Variants in ITGA4 observed in about 807,000 individuals in gnomAD.
ITGA4 encodes the protein integrin subunit alpha 4, also known as integrin alpha-4.
A neutral mutation model predicts 133.6 loss-of-function variants in ITGA4; 63 were observed. That is an observed-to-expected ratio of 0.47 (90% CI 0.38 to 0.58). The LOEUF (loss-of-function observed/expected upper bound fraction) is 0.58. ITGA4 is among the 20% of genes least tolerant of loss of function. The probability of loss-of-function intolerance (pLI) is 0.00; values close to 1 mark genes in which losing one functional copy is unlikely to be tolerated. For missense variants in ITGA4, 1,076 were observed against 1,252.7 expected, an observed-to-expected ratio of 0.86 and a Z score of 2.13; for synonymous variants, 483 against 438.0, an observed-to-expected ratio of 1.10 and a Z score of -1.28.
At chr2:181,480,531 T>G (rs1161140114) in intron 6 of ITGA4, among the ~76,000 whole-genome samples, 1 of 152,150 alleles carries the variant, frequency 6.6e-6, no homozygotes, top group Non-Finnish European at 1.5e-5. Flanking sequence ...GTAGTTCACT[T>G]TAGGAAACAC....
chr2:181,536,472 ATATGTAT>A lies in ITGA4; in HGVS notation c.*952_*958del, dbSNP rs1055997073. On this transcript the variant is annotated 3_prime_UTR_variant, in exon 28 of 28. Coordinates refer to ENST00000397033, the MANE Select transcript of ITGA4 (RefSeq NM_000885.6). ...GCAAAGACTAGGGGGCCTATACTTC[ATATGTAT>A]TATGTACTATGTAAAATATTGACTA... Among the ~76,000 whole-genome samples, 3 of 152,220 alleles carry A rather than the reference ATATGTAT, an allele frequency of 2.0e-5. No individual in the cohort carries two copies. The highest frequency in any genetic ancestry group is 7.2e-5 in the African/African-American group (3 of 41,560).
rs903961782 is a variant in ITGA4 at position 181,524,107 on chromosome 2, T to C, written c.2170-64T>C. On this transcript the variant is annotated intron_variant, in intron 19 of 27. Coordinates refer to ENST00000397033, the MANE Select transcript of ITGA4 (RefSeq NM_000885.6). Reference sequence around the variant, plus strand: ...AGAACATAAACTTTTAAGAAAAAAATTCAGATTATAAAAAATGTACTTAAG... The same window carrying C: ...AGAACATAAACTTTTAAGAAAAAAACTCAGATTATAAAAAATGTACTTAAG... 4.6e-6 allele frequency: 5 copies of C among 1,076,122 alleles called. No individual in the cohort carries two copies. The Admixed American group carries it at 8.9e-5, about 19-fold the overall frequency. The allele number at this position is 1,076,122 out of a possible 1,614,324, so 66.7% of individuals were successfully genotyped here.
chr2:181,534,241 A>C, intron 25 of ITGA4, 31 bp from the exon 26 acceptor site: 1 of 1,274,532 alleles, frequency 7.8e-7, no homozygotes, highest in African/African-American at 1.5e-5. Flanking sequence ...GAAATAAACC[A>C]GGCTATGGTG....
At chr2:181,483,794 C>T (rs937822510) in intron 9 of ITGA4, among the ~76,000 whole-genome samples, 3 of 152,150 alleles carry the variant, frequency 2.0e-5, no homozygotes, top group Non-Finnish European at 4.4e-5. Context: ...GCTACATCCT[C>T]GTGCTGCAAA....
chr2:181,496,085 C>T (rs908920576), intron 14 of ITGA4, 148 bp downstream of exon 14: 47 of 750,490 alleles, frequency 6.3e-5, no homozygotes, highest in Non-Finnish European at 1.0e-4. Context: ...TTTTCCTCTC[C>T]ATCTTCCAGA....
chr2:181,526,664 A>C (rs1318971992), intron 21 of ITGA4, among the ~76,000 whole-genome samples: 2 of 152,042 alleles, frequency 1.3e-5, no homozygotes, highest in Non-Finnish European at 2.9e-5. Context: ...AAAAACTAAG[A>C]AGTTATCCCA....
chr2:181,472,436 A>G (rs1179416551), intron 2 of ITGA4, among the ~76,000 whole-genome samples: 1 of 152,160 alleles, frequency 6.6e-6, no homozygotes, highest in Non-Finnish European at 1.5e-5. Context: ...TACACGCCAT[A>G]TTATTTGTGA....
intron 6 of ITGA4, among the ~76,000 whole-genome samples, chr2:181,480,902 T>A (rs1307215486): frequency 6.6e-6 from 1 of 152,172 alleles, no homozygotes; most frequent in Non-Finnish European, 1.5e-5. Context: ...AATGCAAACT[T>A]TTCTGGCATT....
intron 14 of ITGA4, 109 bp from the exon 15 acceptor site, chr2:181,498,514 C>A: frequency 3.7e-6 from 2 of 544,302 alleles, no homozygotes; most frequent in East Asian, 3.3e-5. Flanking sequence ...AAAGAGAATT[C>A]CAGATATTAT....
intron 2 of ITGA4, among the ~76,000 whole-genome samples, chr2:181,470,476 G>A (rs1559038372): frequency 1.3e-5 from 2 of 152,062 alleles, no homozygotes; most frequent in South Asian, 4.1e-4. Context: ...AAATTCTTAT[G>A]TCTGGTTCTT....
chr2:181,485,641 C>T (rs1380741758), intron 9 of ITGA4, among the ~76,000 whole-genome samples: 4 of 152,170 alleles, frequency 2.6e-5, no homozygotes, highest in African/African-American at 9.7e-5. Context: ...ATTTTCAAAG[C>T]TAGAGATCAT....
At chr2:181,525,370 G>A in intron 21 of ITGA4, 79 bp downstream of exon 21, 2 of 718,626 alleles carry the variant, frequency 2.8e-6, no homozygotes, top group South Asian at 1.9e-5. Context: ...TGAAAAAACT[G>A]TATTCTAGAA....
chr2:181,502,986 G>C (rs1461624806), intron 15 of ITGA4, among the ~76,000 whole-genome samples: 2 of 151,862 alleles, frequency 1.3e-5, no homozygotes, highest in East Asian at 1.9e-4. Flanking sequence ...GGAGGGGAGG[G>C]GGCACACCAA....
chr2:181,498,899 C>CTA, intron 15 of ITGA4, 122 bp downstream of exon 15: 1 of 1,352,212 alleles, frequency 7.4e-7, no homozygotes, highest in Non-Finnish European at 9.5e-7. Context: ...CCCTCCTGAA[C>CTA]TATGACCTGT....
rs889669252 is a variant in ITGA4, at chr2:181,536,283, A to ATTCTTCCTATAACACACCT, written c.*759_*777dup. ...TATATATTTACCATTCTTCCTATCT[A>ATTCTTCCTATAACACACCT]TTCTTCCTATAACACACCTTTATCA... On this transcript the variant is annotated 3_prime_UTR_variant, in exon 28 of 28. Coordinates refer to ENST00000397033, the MANE Select transcript of ITGA4 (RefSeq NM_000885.6). 6.6e-6 allele frequency: 1 copy of ATTCTTCCTATAACACACCT among 151,524 alleles called. No homozygotes were observed. Among genetic ancestry groups the ATTCTTCCTATAACACACCT allele is most frequent in the African/African-American group, 2.4e-5 (1 of 41,034 alleles). The allele number at this position is 151,524 out of a possible 1,614,324, so 9.4% of individuals were successfully genotyped here.
rs747413109 is a variant in ITGA4 at position 181,511,725 on chromosome 2, T to A, written c.1872T>A (p.His624Gln). 1 of 1,600,310 alleles carries A rather than the reference T, an allele frequency of 6.2e-7. No individual in the cohort carries two copies. The highest frequency in any genetic ancestry group is 1.3e-5 in the African/African-American group (1 of 74,524). ...TAAACTTTGCAAGGTTTTGTGCCCA[T>A]GAAAATTGTTCTGCTGATTTACAGG... ...KTINFARFCA[H>Q]ENCSADLQVS... The change falls in exon 17 of 28, where the codon CAT becomes CAA. Residue 624 changes from histidine (H) to glutamine (Q), a missense_variant. His to Gln is a conservative substitution (Grantham distance 24). Transcript: ENST00000397033.
chr2:181,470,906 A>C (rs1403235686), intron 2 of ITGA4, among the ~76,000 whole-genome samples: 1 of 152,132 alleles, frequency 6.6e-6, no homozygotes, highest in Non-Finnish European at 1.5e-5. Context: ...AAGTCCCAGA[A>C]ATTAAGAAAA....
Position 181,495,518 on chromosome 2 carries a change from C to G in ITGA4, c.1385+102C>G. 1.1e-6 allele frequency: 1 copy of G among 875,280 alleles called. No homozygotes were observed. The highest frequency in any genetic ancestry group is 1.9e-6 in the Non-Finnish European group (1 of 524,136). The allele number at this position is 875,280 out of a possible 1,614,324, so 54.2% of individuals were successfully genotyped here. On this transcript the variant is annotated intron_variant, in intron 13 of 27. Transcript: ENST00000397033. The surrounding 1 kb of genome is among the most constrained non-coding windows in gnomAD (Gnocchi z 4.3). ...GCAGTGGTAGTGACCTCATGATGCT[C>G]TTTTGGTATTCTGAAGCTTAATTAT...
intron 15 of ITGA4, among the ~76,000 whole-genome samples, chr2:181,506,110 G>T (rs904929478): frequency 6.6e-6 from 1 of 151,976 alleles, no homozygotes; most frequent in Non-Finnish European, 1.5e-5. Flanking sequence ...GTACTCTCAG[G>T]CTCCAAATCT....
Sources: gnomAD v4.1 joint callset for allele counts (sites outside exome capture counted in the v4.1 genomes callset) on GRCh38, gnomAD v4.1.1 for gene constraint, Gnocchi (gnomAD v3.1) non-coding constraint, MANE v1.5 for transcripts, NCBI Gene and HGNC (gene_info 2026-07-23, HGNC 2026-07-21) for gene names.